PCDHA10: variants seen among roughly 807,000 people sequenced by gnomAD.
PCDHA10 encodes the protein protocadherin alpha 10, also known as protocadherin alpha-10.
A neutral mutation model predicts 61.2 loss-of-function variants in PCDHA10; 45 were observed. The ratio of observed to expected loss-of-function variants is 0.74; its 90% CI spans 0.58 to 0.94. The LOEUF (loss-of-function observed/expected upper bound fraction) is 0.94, where lower values mean the gene tolerates loss of function less well. PCDHA10 is among the 40% of genes least tolerant of loss of function. The pLI, the probability that PCDHA10 is intolerant of heterozygous loss-of-function variation, is 0.00. For synonymous variants in PCDHA10, 602 were observed against 548.8 expected (o/e 1.10, Z -1.35); for missense variants, 1,278 against 1,236.2 (o/e 1.03, Z -0.51).
intron 1 of PCDHA10, chr5:140,928,471 G>A: frequency 6.2e-7 from 1 of 1,614,148 alleles, no homozygotes; most frequent in South Asian, 1.1e-5. Context: ...CCAAGTAGAA[G>A]GCCGGGATGG....
At chr5:140,993,673 TG>T (rs2097577380) in intron 3 of PCDHA10, among the ~76,000 whole-genome samples, 1 of 152,322 alleles carries the variant, frequency 6.6e-6, no homozygotes, top group East Asian at 1.9e-4. Context: ...GGACCACATA[TG>T]TGACAGCTGT....
chr5:140,943,679 A>C (rs973228943), intron 1 of PCDHA10, among the ~76,000 whole-genome samples: 3 of 152,248 alleles, frequency 2.0e-5, no homozygotes, highest in African/African-American at 7.2e-5. Context: ...TGTGAAAAAA[A>C]GGGATAAGGT....
intron 3 of PCDHA10, among the ~76,000 whole-genome samples, chr5:140,992,330 C>A (rs1240004004): frequency 6.6e-6 from 1 of 152,070 alleles, no homozygotes. Context: ...TTTCTAAGAG[C>A]AAAGATGGAA....
At chr5:140,929,390 T>C in intron 1 of PCDHA10, 1 of 1,511,570 alleles carries the variant, frequency 6.6e-7, no homozygotes, top group Non-Finnish European at 8.8e-7. Flanking sequence ...TGTTTTGAAA[T>C]ATTTCTTAGA....
intron 1 of PCDHA10, chr5:140,884,459 G>A (rs530412188): frequency 8.1e-6 from 13 of 1,613,636 alleles, no homozygotes; most frequent in Non-Finnish European, 1.0e-5. Flanking sequence ...CACCGAGGGC[G>A]CGTGCGCGCC....
chr5:140,875,246 C>A (rs2055373842), intron 1 of PCDHA10: 3 of 955,372 alleles, frequency 3.1e-6, no homozygotes, highest in Non-Finnish European at 4.4e-6. Flanking sequence ...CTTACATAAT[C>A]AGTCACATGA....
At chr5:141,009,173 G>A (rs1486905042) in intron 3 of PCDHA10, among the ~76,000 whole-genome samples, 3 of 152,204 alleles carry the variant, frequency 2.0e-5, no homozygotes, top group African/African-American at 7.2e-5. Flanking sequence ...TACTGGCCTT[G>A]GCTGGGTGTG....
At chr5:141,001,624 CG>C (rs1335079944) in intron 3 of PCDHA10, among the ~76,000 whole-genome samples, 1 of 151,678 alleles carries the variant, frequency 6.6e-6, no homozygotes, top group African/African-American at 2.4e-5. Context: ...AAAGGACTGG[CG>C]GGGGTTGGGG....
chr5:140,935,016 T>C (rs997789296), intron 1 of PCDHA10, among the ~76,000 whole-genome samples: 6 of 152,322 alleles, frequency 3.9e-5, no homozygotes, highest in Admixed American at 6.5e-5. Flanking sequence ...TGAGTCTTAA[T>C]AGTCTTTTGA....
At chr5:140,875,667 G>T in intron 1 of PCDHA10, 1 of 1,613,820 alleles carries the variant, frequency 6.2e-7, no homozygotes, top group Non-Finnish European at 8.5e-7. Flanking sequence ...GCCTGTTCCG[G>T]GTGGCGTCCA....
At chr5:140,875,754 G>A (rs369339386) in intron 1 of PCDHA10, 2 of 1,614,254 alleles carry the variant, frequency 1.2e-6, no homozygotes, top group African/African-American at 2.7e-5. Flanking sequence ...ACCGCGAGAA[G>A]CTGTGCGGGC....
chr5:140,950,028 A>G (rs1288516742), intron 1 of PCDHA10, among the ~76,000 whole-genome samples: 6 of 151,954 alleles, frequency 3.9e-5, no homozygotes, highest in Non-Finnish European at 8.8e-5. Flanking sequence ...TAAAATATAG[A>G]AAAGTTACAA....
intron 1 of PCDHA10, chr5:140,871,124 C>T (rs782035990): frequency 1.9e-6 from 3 of 1,613,326 alleles, no homozygotes; most frequent in Non-Finnish European, 8.5e-7. Context: ...AGCGGACAGG[C>T]GCCAAAGGCC....
intron 1 of PCDHA10, among the ~76,000 whole-genome samples, chr5:140,963,436 T>C (rs148474994): frequency 0.01 from 1,563 of 152,364 alleles, 89 homozygotes; most frequent in Admixed American, 0.092. Context: ...ACTAACTTCA[T>C]ACTCTGTTGC....
rs1404110882 is a variant in PCDHA10 at position 140,968,973 on chromosome 5, C to A, written c.2389-9976C>A. On this transcript the variant is annotated intron_variant, in intron 1 of 3. Transcript: ENST00000307360. ...ATCATCAAGTGCTACCGCTACACTG[C>A]GTATGGCACTGCATGCTGTGGAGGC... is the stretch of plus-strand genomic sequence containing the variant. The A allele has an allele frequency of 6.2e-7, 1 of 1,614,194 alleles. No homozygotes were observed. The highest frequency in any genetic ancestry group is 1.3e-5 in the African/African-American group (1 of 75,044).
intron 1 of PCDHA10, among the ~76,000 whole-genome samples, chr5:140,945,698 T>C (rs530742031): frequency 3.9e-5 from 6 of 152,046 alleles, no homozygotes; most frequent in Non-Finnish European, 8.8e-5. Flanking sequence ...GTCCACTGAT[T>C]TGCAACAAAA....
chr5:140,882,637 G>A (rs540228460), intron 1 of PCDHA10: 1 of 1,614,234 alleles, frequency 6.2e-7, no homozygotes, highest in African/African-American at 1.3e-5. Flanking sequence ...AGGTGAAGGT[G>A]AGGGACATTA....
chr5:140,860,129 G>GTGTGTATATATATGTATATA (rs1554153065), intron 1 of PCDHA10: 1 of 150,592 alleles, frequency 6.6e-6, no homozygotes, highest in Non-Finnish European at 1.5e-5. Context: ...TACTGTGTGT[G>GTGTGTATATATATGTATATA]TGTGTATATA....
intron 1 of PCDHA10, chr5:140,966,397 G>C (rs782390663): frequency 4.5e-5 from 18 of 404,120 alleles, no homozygotes; most frequent in Admixed American, 2.2e-4. Flanking sequence ...CCGCCACTTC[G>C]GCGCGGAATC....
Sources: allele counts gnomAD v4.1 joint callset (sites outside exome capture counted in the v4.1 genomes callset), GRCh38; gene constraint gnomAD v4.1.1; transcripts MANE v1.5; gene names NCBI Gene and HGNC (gene_info 2026-07-23, HGNC 2026-07-21).